Variants in LPCAT1 observed in about 807,000 individuals in gnomAD.
LPCAT1 encodes the protein lysophosphatidylcholine acyltransferase 1.
A neutral mutation model predicts 60.9 loss-of-function variants in LPCAT1; 23 were observed. The ratio of observed to expected loss-of-function variants is 0.38; its 90% CI spans 0.27 to 0.53. The LOEUF is 0.53. LPCAT1 is among the 20% of genes least tolerant of loss of function. LPCAT1 has a pLI of 0.82. For missense variants in LPCAT1, 622 were observed against 723.6 expected, an observed-to-expected ratio of 0.86 and a Z score of 1.61; for synonymous variants, 340 against 301.1, an observed-to-expected ratio of 1.13 and a Z score of -1.34.
chr5:1,515,478 G>A (rs1736480935), intron 1 of LPCAT1, among the ~76,000 whole-genome samples: 1 of 129,678 alleles, frequency 7.7e-6, no homozygotes, highest in Admixed American at 7.8e-5. Context: ...GAACATCCTG[G>A]CCCAAGTCCC....
At chr5:1,503,530 C>T (rs1317185126) in intron 1 of LPCAT1, among the ~76,000 whole-genome samples, 3 of 152,214 alleles carry the variant, frequency 2.0e-5, no homozygotes, top group Non-Finnish European at 2.9e-5. Context: ...TGTGCAGCTC[C>T]CTGTTAGGAT....
Position 1,488,413 on chromosome 5 carries a change from G to C in LPCAT1, c.645C>G (p.Thr215=). The change falls in exon 5 of 14, where the codon ACC becomes ACG. Residue 215 remains threonine, a synonymous_variant. Coordinates refer to ENST00000283415, the MANE Select transcript of LPCAT1 (RefSeq NM_024830.5). Reference sequence around the variant, plus strand: ...TACCAGGTTTGAAGGTAATTAGGCAGGTCCTGTTTGTACAAGTTCCTTCTG... The same window carrying C: ...TACCAGGTTTGAAGGTAATTAGGCACGTCCTGTTTGTACAAGTTCCTTCTG... The part of the protein sequence containing the change: ...IFPEGTCTNR[T]CLITFKPGAF... 6.2e-7 allele frequency: 1 copy of C among 1,600,094 alleles called. No homozygotes were observed. The highest frequency in any genetic ancestry group is 8.5e-7 in the Non-Finnish European group (1 of 1,174,024).
rs1359993861 is a variant in LPCAT1 at position 1,522,714 on chromosome 5, T to C, written c.135+996A>G. Among the ~76,000 whole-genome samples the C allele has an allele frequency of 2.0e-5, 3 of 152,208 alleles. No individual in the cohort carries two copies. The highest frequency in any genetic ancestry group is 6.5e-5 in the Admixed American group (1 of 15,290). ...TCTCCATCTTCCCGGAAATCTATTC[T>C]CACAATTGGAAGCGTGCTCCCTACA... On this transcript the variant is annotated intron_variant, in intron 1 of 13. Transcript: ENST00000283415. The surrounding 1 kb of genome is among the most constrained non-coding windows in gnomAD (Gnocchi z 6.8).
intron 1 of LPCAT1, among the ~76,000 whole-genome samples, chr5:1,512,311 G>C (rs1736379793): frequency 6.6e-6 from 1 of 152,204 alleles, no homozygotes; most frequent in Non-Finnish European, 1.5e-5. Context: ...CCCGCCTTCG[G>C]AGTCACTGTC....
At chr5:1,501,688 C>G (rs576393128) in intron 1 of LPCAT1, 85 bp from the exon 2 acceptor site, 20 of 1,364,078 alleles carry the variant, frequency 1.5e-5, no homozygotes, top group Admixed American at 5.3e-5. Flanking sequence ...CCCAGGGGGA[C>G]AGCGCGCCCC....
intron 1 of LPCAT1, among the ~76,000 whole-genome samples, chr5:1,519,469 C>A (rs143324894): frequency 6.6e-6 from 1 of 152,232 alleles, no homozygotes; most frequent in Non-Finnish European, 1.5e-5. Flanking sequence ...CTAAGTTTCA[C>A]GAGTGCGTCA....
In LPCAT1 at chr5:1,463,420, A is replaced by C. The variant is rs1734188022; in HGVS notation, c.*231T>G. 3.7e-6 allele frequency: 2 copies of C among 546,022 alleles called. No individual in the cohort carries two copies. Among genetic ancestry groups the C allele is most frequent in the East Asian group, 6.2e-5 (2 of 32,392 alleles). 33.8% of individuals were successfully genotyped at this position (546,022 alleles called of 1,614,324 possible). ...AACCTGACCCCACGGGGTCCAGGCC[A>C]GGCGGGGGATCCGCGTGCGCGCCCT... On this transcript the variant is annotated 3_prime_UTR_variant, in exon 14 of 14. Coordinates refer to ENST00000283415, the MANE Select transcript of LPCAT1 (RefSeq NM_024830.5).
In LPCAT1 at chr5:1,479,878, G is replaced by A. The variant is rs535207922; in HGVS notation, c.762-203C>T. Among the ~76,000 whole-genome samples the A allele has an allele frequency of 8.7e-4, 132 of 151,490 alleles. 3 individuals are homozygous for A. The highest frequency in any genetic ancestry group is 2.9e-3 in the South Asian group (14 of 4,762). ...CCGTGGGTGGAAATGCTGCTTTTCC[G>A]ATTCAACACCTGCTTATGTCCTTGG... is the stretch of plus-strand genomic sequence containing the variant. On this transcript the variant is annotated intron_variant, in intron 7 of 13. Coordinates refer to ENST00000283415, the MANE Select transcript of LPCAT1 (RefSeq NM_024830.5).
chr5:1,494,754 T>C lies in LPCAT1; in HGVS notation c.439A>G (p.Thr147Ala), dbSNP rs750444468. The change falls in exon 3 of 14, where the codon ACG becomes GCG. Residue 147 changes from threonine (T) to alanine (A), a missense_variant. By Grantham distance (58) the Thr-to-Ala change is moderately conservative. This residue lies in a region of LPCAT1 where 209 missense variants were observed against 325.5 expected (regional missense o/e 0.64). Coordinates refer to ENST00000283415, the MANE Select transcript of LPCAT1 (RefSeq NM_024830.5). ...GCCTTCATCACGATGGAGGACATCGTCATGGTCACAGGGATGGCGTCGAAG... is the reference window on the plus strand; with the variant it reads ...GCCTTCATCACGATGGAGGACATCGCCATGGTCACAGGGATGGCGTCGAAG... ...SYFDAIPVTMTMSSIVMKAES... is the reference protein window; with the variant it reads ...SYFDAIPVTMAMSSIVMKAES... 6.2e-7 allele frequency: 1 copy of C among 1,614,188 alleles called. No individual in the cohort carries two copies. Among genetic ancestry groups the C allele is most frequent in the Admixed American group, 1.7e-5 (1 of 60,028 alleles).
intron 12 of LPCAT1, among the ~76,000 whole-genome samples, chr5:1,470,150 G>A (rs968605869): frequency 3.9e-5 from 6 of 152,252 alleles, no homozygotes; most frequent in African/African-American, 1.2e-4. Context: ...CCTGTGAGAA[G>A]CCTTGGTAAA....
intron 1 of LPCAT1, among the ~76,000 whole-genome samples, chr5:1,512,642 A>G (rs1226735987): frequency 6.6e-6 from 1 of 152,166 alleles, no homozygotes; most frequent in African/African-American, 2.4e-5. Context: ...CCCCTGAGCT[A>G]TGTATGGCCC....
At chr5:1,518,821 G>A (rs1736586558) in intron 1 of LPCAT1, among the ~76,000 whole-genome samples, 1 of 152,240 alleles carries the variant, frequency 6.6e-6, no homozygotes, top group South Asian at 2.1e-4. Flanking sequence ...TCTGAAATGC[G>A]TAAAAACATG....
chr5:1,513,102 G>T (rs1270227897), intron 1 of LPCAT1, among the ~76,000 whole-genome samples: 1 of 152,234 alleles, frequency 6.6e-6, no homozygotes, highest in Non-Finnish European at 1.5e-5. Flanking sequence ...CACAGCCGAT[G>T]CCCCAGTTCC....
In LPCAT1 at chr5:1,480,834, C is replaced by G; in HGVS notation, c.761+108G>C. ...GGCTGAACCTAACGGCTGTCCCACA[C>G]CTGCTTTCACAACTGCAAAAGTAAC... On this transcript the variant is annotated intron_variant, in intron 7 of 13. Coordinates refer to ENST00000283415, the MANE Select transcript of LPCAT1 (RefSeq NM_024830.5). This position sits in a 1 kb window ranked among gnomAD's most constrained non-coding sequence, Gnocchi z 6.4. 7.4e-7 allele frequency: 1 copy of G among 1,353,078 alleles called. No individual in the cohort carries two copies. The highest frequency in any genetic ancestry group is 1.1e-6 in the Non-Finnish European group (1 of 943,622). 83.8% of individuals were successfully genotyped at this position (1,353,078 alleles called of 1,614,324 possible).
intron 1 of LPCAT1, among the ~76,000 whole-genome samples, chr5:1,507,409 C>T (rs1736220008): frequency 6.6e-6 from 1 of 152,250 alleles, no homozygotes; most frequent in South Asian, 2.1e-4. Flanking sequence ...GTTACTTCAA[C>T]TATTTGAAAG....
intron 3 of LPCAT1, among the ~76,000 whole-genome samples, chr5:1,492,243 G>A (rs1735613931): frequency 6.6e-6 from 1 of 151,562 alleles, no homozygotes. Context: ...AGATGTCTCT[G>A]AGCTGGAGCC....
In LPCAT1 at chr5:1,487,085, G is replaced by A. The variant is rs1293152335; in HGVS notation, c.667+1306C>T. On this transcript the variant is annotated intron_variant, in intron 5 of 13. Coordinates refer to ENST00000283415, the MANE Select transcript of LPCAT1 (RefSeq NM_024830.5). This position sits in a 1 kb window ranked among gnomAD's most constrained non-coding sequence, Gnocchi z 6.1. ...TCCCCAGGGGCCTCCCTGCAGGCAC[G>A]AGGCTCCACTCCCGAGGAACACCTG... is the stretch of plus-strand genomic sequence containing the variant. Among the ~76,000 whole-genome samples, 4 of 152,170 alleles carry A rather than the reference G, an allele frequency of 2.6e-5. No homozygotes were observed. Among genetic ancestry groups the A allele is most frequent in the Non-Finnish European group, 4.4e-5 (3 of 68,026 alleles).
chr5:1,471,047 C>T, intron 11 of LPCAT1, 123 bp from the exon 12 acceptor site: 2 of 724,922 alleles, frequency 2.8e-6, no homozygotes, highest in African/African-American at 1.8e-5. Context: ...GAACATCTGC[C>T]CATGTGAAAA....
chr5:1,475,749 C>A (rs560578360), intron 9 of LPCAT1, among the ~76,000 whole-genome samples: 1 of 151,452 alleles, frequency 6.6e-6, no homozygotes, highest in South Asian at 2.1e-4. Flanking sequence ...TGGGGCTGCA[C>A]GGCCCCGCCC....
Sources: allele counts gnomAD v4.1 joint callset (sites outside exome capture counted in the v4.1 genomes callset), GRCh38; gene constraint gnomAD v4.1.1; regional missense constraint gnomAD v4.1.1; non-coding constraint Gnocchi (gnomAD v3.1); transcripts MANE v1.5; gene names NCBI Gene and HGNC (gene_info 2026-07-23, HGNC 2026-07-21).